The following FILIP1 variants were observed in gnomAD, a reference collection of about 807,000 sequenced individuals.
The protein encoded by FILIP1 is filamin-A-interacting protein 1.
A neutral mutation model predicts 102.1 loss-of-function variants in FILIP1; 61 were observed. The observed-to-expected ratio is 0.60, with a 90% CI of 0.49 to 0.74. The LOEUF is 0.74. FILIP1 is among the 30% of genes least tolerant of loss of function. The probability of loss-of-function intolerance (pLI) is 0.00; values close to 1 mark genes in which losing one functional copy is unlikely to be tolerated. For missense variants in FILIP1, 1,314 were observed against 1,441.2 expected (o/e 0.91, Z 1.43); for synonymous variants, 491 against 526.9 (o/e 0.93, Z 0.93).
At chr6:75,436,122 C>G (rs1042284524) in intron 1 of FILIP1, among the ~76,000 whole-genome samples, 9 of 152,184 alleles carry the variant, frequency 5.9e-5, no homozygotes, top group Non-Finnish European at 1.2e-4. Context: ...CCTGTAATCC[C>G]AGCACTTTGG....
chr6:75,470,197 G>C (rs1779289915), intron 1 of FILIP1, among the ~76,000 whole-genome samples: 1 of 152,076 alleles, frequency 6.6e-6, no homozygotes, highest in African/African-American at 2.4e-5. Context: ...ACTAAGAAGA[G>C]AGTTCAGCAA....
intron 6 of FILIP1, among the ~76,000 whole-genome samples, chr6:75,299,372 G>A (rs1772772406): frequency 6.6e-6 from 1 of 152,034 alleles, no homozygotes; most frequent in Admixed American, 6.6e-5. Context: ...TAGTGATTTG[G>A]AGAGCACTTA....
At chr6:75,472,283 C>A (rs1779354254) in intron 1 of FILIP1, among the ~76,000 whole-genome samples, 1 of 151,786 alleles carries the variant, frequency 6.6e-6, no homozygotes, top group African/African-American at 2.4e-5. Flanking sequence ...TTTCATTTAC[C>A]CACCCAGGGT....
intron 3 of FILIP1, among the ~76,000 whole-genome samples, chr6:75,358,867 C>T (rs868627562): frequency 2.0e-4 from 30 of 151,594 alleles, no homozygotes; most frequent in African/African-American, 5.6e-4. Flanking sequence ...GGACCACAGG[C>T]GCGCACCACC....
At chr6:75,364,937 C>T (rs2703709) in intron 2 of FILIP1, among the ~76,000 whole-genome samples, 4,031 of 152,178 alleles carry the variant, frequency 0.026, 196 homozygotes, top group African/African-American at 0.092. Flanking sequence ...AAGAGACAAA[C>T]TCGTCTTTAA....
At chr6:75,333,508 G>A (rs182523652) in intron 4 of FILIP1, among the ~76,000 whole-genome samples, 2 of 152,168 alleles carry the variant, frequency 1.3e-5, no homozygotes, top group East Asian at 3.9e-4. Flanking sequence ...AAGAATCCAG[G>A]AAGATCAATG....
In FILIP1 at chr6:75,315,109, A is replaced by C; in HGVS notation, c.723T>G (p.Val241=). The change falls in exon 5 of 6, where the codon GTT becomes GTG. Residue 241 remains valine (V), a synonymous_variant. Coordinates refer to ENST00000237172, the MANE Select transcript of FILIP1 (RefSeq NM_015687.5). The stretch of plus-strand genomic sequence containing the variant: ...GCATGAGTGCAAAGGATTTGAGTTT[A>C]ACAAGCTCATCTCTTAGTTTATTGA... ...KRLNKLRDEL[V]KLKSFALMLV... 1.9e-6 allele frequency: 3 copies of C among 1,613,012 alleles called. No homozygotes were observed. The highest frequency in any genetic ancestry group is 2.5e-6 in the Non-Finnish European group (3 of 1,179,702).
chr6:75,352,743 T>G (rs1269197221), intron 4 of FILIP1, among the ~76,000 whole-genome samples: 1 of 151,918 alleles, frequency 6.6e-6, no homozygotes, highest in Non-Finnish European at 1.5e-5. Flanking sequence ...TAATTTGCCT[T>G]CCTGAAAAGC....
At chr6:75,385,701 T>C (rs1390754916) in intron 2 of FILIP1, 1 of 152,174 alleles carries the variant, frequency 6.6e-6, no homozygotes, top group Admixed American at 6.6e-5. Context: ...TTGATAATCT[T>C]CTTGAGGGAA....
intron 2 of FILIP1, among the ~76,000 whole-genome samples, chr6:75,377,804 T>A (rs1373994190): frequency 4.6e-5 from 7 of 152,252 alleles, no homozygotes; most frequent in African/African-American, 1.7e-4. Flanking sequence ...TTTTTGCCCT[T>A]CGCTAGAGAA....
chr6:75,416,201 G>T (rs1189607135), intron 1 of FILIP1, among the ~76,000 whole-genome samples: 1 of 152,080 alleles, frequency 6.6e-6, no homozygotes, highest in Non-Finnish European at 1.5e-5. Flanking sequence ...AAAACATTAG[G>T]TTTGTAACAC....
intron 2 of FILIP1, among the ~76,000 whole-genome samples, chr6:75,386,602 A>AT (rs1776103383): frequency 1.3e-5 from 2 of 152,206 alleles, no homozygotes; most frequent in East Asian, 3.9e-4. Context: ...TTACATCTCA[A>AT]GATGACTTAA....
chr6:75,301,148 T>C (rs1772826264), intron 6 of FILIP1, among the ~76,000 whole-genome samples: 1 of 152,220 alleles, frequency 6.6e-6, no homozygotes, highest in Non-Finnish European at 1.5e-5. Context: ...TAACATTATG[T>C]GTGAAAACTA....
In FILIP1 at chr6:75,366,253, T is replaced by C. The variant is rs1012749837; in HGVS notation, c.277-3336A>G. ...TTCTGAAAAAGTGTTTGTCCTTAGTTATGGATAAAGGTAATCAGAAATTGG... is the reference window on the plus strand; with the variant it reads ...TTCTGAAAAAGTGTTTGTCCTTAGTCATGGATAAAGGTAATCAGAAATTGG... On this transcript the variant is annotated intron_variant, in intron 2 of 5. Coordinates refer to ENST00000237172, the MANE Select transcript of FILIP1 (RefSeq NM_015687.5). 4.5e-4 allele frequency among the ~76,000 whole-genome samples: 69 copies of C among 152,206 alleles called. 1 individual carries two copies. Among genetic ancestry groups the C allele is most frequent in the Non-Finnish European group, 2.2e-4 (15 of 68,030 alleles).
chr6:75,417,755 T>A (rs984889736), intron 1 of FILIP1, among the ~76,000 whole-genome samples: 7 of 152,218 alleles, frequency 4.6e-5, no homozygotes, highest in African/African-American at 1.7e-4. Context: ...ATCACACAGC[T>A]ACTCCTAGTG....
In FILIP1 at chr6:75,409,177, A is replaced by G. The variant is rs559660246; in HGVS notation, c.276+5520T>C. On this transcript the variant is annotated intron_variant, in intron 2 of 5. Coordinates refer to ENST00000237172, the MANE Select transcript of FILIP1 (RefSeq NM_015687.5). The stretch of plus-strand genomic sequence containing the variant: ...AGCCCAACTTCCCTTGAACCTCCAT[A>G]GAATGTAAGTGATATAATGGGAAGG... Among the ~76,000 whole-genome samples, 6 of 152,332 alleles carry G rather than the reference A, an allele frequency of 3.9e-5. No individual in the cohort carries two copies. In the South Asian group the frequency reaches 1.2e-3, roughly 32 times the overall value.
intron 1 of FILIP1, among the ~76,000 whole-genome samples, chr6:75,417,513 G>T (rs928450005): frequency 1.3e-5 from 2 of 152,154 alleles, no homozygotes; most frequent in Admixed American, 1.3e-4. Context: ...TTTGGAGGGG[G>T]AAAACATCCA....
intron 2 of FILIP1, among the ~76,000 whole-genome samples, chr6:75,372,490 T>C (rs1775556295): frequency 6.7e-6 from 1 of 149,500 alleles, no homozygotes; most frequent in Non-Finnish European, 1.5e-5. Flanking sequence ...AAAGAAGATA[T>C]ACAAGTGGCC....
rs142649598 is a variant in FILIP1, at chr6:75,387,126, T to G, written c.277-24209A>C. Among the ~76,000 whole-genome samples, 786 of 152,238 alleles carry G rather than the reference T, an allele frequency of 5.2e-3. 6 individuals carry two copies. Among genetic ancestry groups the G allele is most frequent in the African/African-American group, 0.018 (748 of 41,542 alleles). On this transcript the variant is annotated intron_variant, in intron 2 of 5. Transcript: ENST00000237172. ...GAGTGAGAACATGTGGTGTTTGGTT[T>G]TCTGTTCCTGTGTTAGTTTGCTGAG...
Sources: allele counts gnomAD v4.1 joint callset (sites outside exome capture counted in the v4.1 genomes callset), GRCh38; gene constraint gnomAD v4.1.1; transcripts MANE v1.5; gene names NCBI Gene and HGNC (gene_info 2026-07-23, HGNC 2026-07-21).